Variants in LTBP2 observed in about 807,000 individuals in gnomAD.
The protein encoded by LTBP2 is latent-transforming growth factor beta-binding protein 2.
Under a neutral mutation model 210.6 loss-of-function variants are expected in LTBP2, and 103 were observed. That is an observed-to-expected ratio of 0.49 (90% confidence interval 0.42 to 0.58). The LOEUF is 0.58. Ranked by LOEUF, LTBP2 falls within the 20% of genes least tolerant of loss-of-function variation. The pLI, the probability that LTBP2 is intolerant of heterozygous loss-of-function variation, is 0.00. For synonymous variants in LTBP2, 1,007 were observed against 1,015.0 expected (o/e 0.99, Z 0.15); for missense variants, 2,313 against 2,494.5 (o/e 0.93, Z 1.55).
chr14:74,532,421 C>A lies in LTBP2; in HGVS notation c.1987+5G>T, dbSNP rs760031718. On this transcript the variant is annotated splice_donor_5th_base_variant and intron_variant, in intron 10 of 35. Transcript: ENST00000261978. ...CACCCCCACCCCATCCCTGCCAGCA[C>A]TCACACACACAGCGGCTCCGCGATG... 8.7e-6 allele frequency: 14 copies of A among 1,613,868 alleles called. No homozygotes were observed. Among genetic ancestry groups the A allele is most frequent in the East Asian group, 2.2e-5 (1 of 44,896 alleles).
chr14:74,595,424 G>C (rs1303741458), intron 2 of LTBP2, among the ~76,000 whole-genome samples: 1 of 152,320 alleles, frequency 6.6e-6, no homozygotes, highest in East Asian at 1.9e-4. Flanking sequence ...AGAGTTGTCT[G>C]TCCATCCCCA....
At chr14:74,506,337 C>G (rs1376714213) in intron 27 of LTBP2, 146 bp from the exon 28 acceptor site, 1 of 1,097,656 alleles carries the variant, frequency 9.1e-7, no homozygotes. Flanking sequence ...GAGGAGGAAC[C>G]AATGGACAGA....
chr14:74,507,826 C>G, intron 25 of LTBP2, 147 bp downstream of exon 25: 1 of 1,065,760 alleles, frequency 9.4e-7, no homozygotes, highest in South Asian at 1.4e-5. Context: ...CCTTGGACAG[C>G]CCCTGAGCCC....
In LTBP2 at chr14:74,612,170, C is replaced by A; in HGVS notation, c.-226G>T. 1 of 509,878 alleles carries A rather than the reference C, an allele frequency of 2.0e-6. No homozygotes were observed. Among genetic ancestry groups the A allele is most frequent in the East Asian group, 3.4e-5 (1 of 29,030 alleles). The allele number at this position is 509,878 out of a possible 1,614,324, so 31.6% of individuals were successfully genotyped here. A position where few individuals can be genotyped will look rare whatever the true frequency, so the allele number is the denominator to read the frequency against. On this transcript the variant is annotated 5_prime_UTR_variant, in exon 1 of 36. Coordinates refer to ENST00000261978, the MANE Select transcript of LTBP2 (RefSeq NM_000428.3). ...TACTCCAGCTGGGCTCGCACGGCTG[C>A]TGCACCTTCGCGCCTCCTCCCTGTG...
In LTBP2 at chr14:74,547,253, C is replaced by T. The variant is rs1175805504; in HGVS notation, c.1789+2610G>A. ...ACTGTCAGATTGGCTTAGTGAATTA[C>T]AGAGGAGATACTGACCCAAGGACCC... On this transcript the variant is annotated intron_variant, in intron 8 of 35. Coordinates refer to ENST00000261978, the MANE Select transcript of LTBP2 (RefSeq NM_000428.3). 2.0e-5 allele frequency among the ~76,000 whole-genome samples: 3 copies of T among 152,208 alleles called. No individual in the cohort carries two copies. In the South Asian group the frequency reaches 6.2e-4, roughly 31 times the overall value.
At chr14:74,509,566 G>A (rs1256312855) in intron 21 of LTBP2, among the ~76,000 whole-genome samples, 168 bp downstream of exon 21, 3 of 152,150 alleles carry the variant, frequency 2.0e-5, no homozygotes, top group Non-Finnish European at 4.4e-5. Context: ...TGAACTTGGG[G>A]ATTATGACAA....
chr14:74,509,543 C>T (rs865984267), intron 21 of LTBP2, among the ~76,000 whole-genome samples, 180 bp from the exon 22 acceptor site: 1 of 152,210 alleles, frequency 6.6e-6, no homozygotes, highest in African/African-American at 2.4e-5. Context: ...GGCTTTTCCT[C>T]CTGTCCTCAC....
chr14:74,586,951 G>A lies in LTBP2; in HGVS notation c.566-833C>T, dbSNP rs976875668. ...GCCTCCTGGGCTGTGGGTCCAGCCGGAGGCAAGGTGGAGCTGAAACCAGGC... is the reference window on the plus strand; with the variant it reads ...GCCTCCTGGGCTGTGGGTCCAGCCGAAGGCAAGGTGGAGCTGAAACCAGGC... On this transcript the variant is annotated intron_variant, in intron 2 of 35. Transcript: ENST00000261978. This position sits in a 1 kb window ranked among gnomAD's most constrained non-coding sequence, Gnocchi z 4.6. Among the ~76,000 whole-genome samples the A allele has an allele frequency of 4.6e-5, 7 of 152,188 alleles. No homozygotes were observed. Among genetic ancestry groups the A allele is most frequent in the African/African-American group, 1.4e-4 (6 of 41,434 alleles).
At chr14:74,516,670 T>G in intron 18 of LTBP2, 152 bp downstream of exon 18, 1 of 1,058,598 alleles carries the variant, frequency 9.4e-7, no homozygotes, top group Admixed American at 2.0e-5. Flanking sequence ...GGCTCAGGAA[T>G]TCTCATAGGT....
intron 3 of LTBP2, chr14:74,560,190 A>G (rs192891612): frequency 3.9e-5 from 6 of 152,346 alleles, no homozygotes; most frequent in Non-Finnish European, 8.8e-5. Context: ...AAAACTGCCA[A>G]TCACTACCAC....
chr14:74,603,792 G>A, intron 1 of LTBP2, 87 bp from the exon 2 acceptor site: 1 of 1,061,448 alleles, frequency 9.4e-7, no homozygotes, highest in Non-Finnish European at 1.5e-6. Context: ...ACCTTCTAGA[G>A]GCAGGGCCTG....
chr14:74,506,826 G>A lies in LTBP2; in HGVS notation c.3908-3C>T. The A allele has an allele frequency of 6.2e-7, 1 of 1,613,836 alleles. No individual in the cohort carries two copies. The highest frequency in any genetic ancestry group is 8.5e-7 in the Non-Finnish European group (1 of 1,179,968). On this transcript the variant is annotated splice_region_variant and splice_polypyrimidine_tract_variant and intron_variant, in intron 26 of 35. Transcript: ENST00000261978. ...GTCGTTGGCGCACTCGTCTATGTCT[G>A]TGGGACAGTGGGAACCAGGATAGAG...
At position 74,502,711 on chromosome 14, in the gene LTBP2, G is replaced by A; in HGVS notation, c.5112C>T (p.Ile1704=). 1 of 1,614,228 alleles carries A rather than the reference G, an allele frequency of 6.2e-7. No individual in the cohort carries two copies. The highest frequency in any genetic ancestry group is 1.3e-5 in the African/African-American group (1 of 75,052). Residue 1704 remains isoleucine, a synonymous_variant, in exon 34 of 36, where the codon ATC becomes ATT. Transcript: ENST00000261978. ...CTGAGGGCTGCAAAGGAGACTCAAG[G>A]ATGGGTGTGCGGTCCGCTGAGTGAC... ...TAGHSADRTP[I]LESPLQPSEL...
intron 2 of LTBP2, among the ~76,000 whole-genome samples, chr14:74,595,219 C>G (rs1361279048): frequency 6.6e-6 from 1 of 152,238 alleles, no homozygotes; most frequent in African/African-American, 2.4e-5. Flanking sequence ...ATGGACCGCC[C>G]TGTTAATTGC....
In LTBP2 at chr14:74,502,851, C is replaced by T. The variant is rs1243327493; in HGVS notation, c.4972G>A (p.Gly1658Ser). 1 of 1,613,948 alleles carries T rather than the reference C, an allele frequency of 6.2e-7. No homozygotes were observed. Among genetic ancestry groups the T allele is most frequent in the Non-Finnish European group, 8.5e-7 (1 of 1,180,030 alleles). ...GVHFRPGYEY[G>S]PGPDDLHYSI... Reference sequence around the variant, plus strand: ...TAGTGCAGGTCATCGGGCCCGGGGCCATACTCATAGCCTGGCCGGAAGTGG... The same window carrying T: ...TAGTGCAGGTCATCGGGCCCGGGGCTATACTCATAGCCTGGCCGGAAGTGG... The change falls in exon 34 of 36, where the codon GGC (glycine) becomes AGC (serine). Residue 1658 changes from glycine (G) to serine (S), a missense_variant. This residue lies in a region of LTBP2 where 443 missense variants were observed against 501.4 expected (regional missense o/e 0.88). Transcript: ENST00000261978.
chr14:74,589,076 C>A (rs1396959394), intron 2 of LTBP2, among the ~76,000 whole-genome samples: 2 of 152,140 alleles, frequency 1.3e-5, no homozygotes, highest in Non-Finnish European at 2.9e-5. Flanking sequence ...CTCAATTGGC[C>A]CTGACAGTGG....
At chr14:74,585,786 A>G (rs913138583) in intron 3 of LTBP2, 68 bp downstream of exon 3, 3 of 1,611,970 alleles carry the variant, frequency 1.9e-6, no homozygotes, top group Admixed American at 1.7e-5. Context: ...CAAACGGTCC[A>G]AAGGAAGAAG....
At chr14:74,598,036 T>C (rs1345249069) in intron 2 of LTBP2, among the ~76,000 whole-genome samples, 1 of 152,244 alleles carries the variant, frequency 6.6e-6, no homozygotes, top group Non-Finnish European at 1.5e-5. Flanking sequence ...CACTGGGTAC[T>C]ACTCTCATCC....
chr14:74,596,013 A>T (rs954929108), intron 2 of LTBP2, among the ~76,000 whole-genome samples: 19 of 152,090 alleles, frequency 1.2e-4, no homozygotes, highest in African/African-American at 4.6e-4. Context: ...TCTGGCCAAC[A>T]TGATGAAACG....
Sources: gnomAD v4.1 joint callset for allele counts (sites outside exome capture counted in the v4.1 genomes callset) on GRCh38, gnomAD v4.1.1 for gene constraint, gnomAD v4.1.1 regional missense constraint, Gnocchi (gnomAD v3.1) non-coding constraint, MANE v1.5 for transcripts, NCBI Gene and HGNC (gene_info 2026-07-23, HGNC 2026-07-21) for gene names.